The following PHACTR1 variants were observed in gnomAD, a reference collection of about 807,000 sequenced individuals.
PHACTR1 encodes the protein RPEL repeat containing 1.
Under a neutral mutation model 69.2 loss-of-function variants are expected in PHACTR1, and 16 were observed. The ratio of observed to expected loss-of-function variants is 0.23; its 90% CI spans 0.16 to 0.35. The LOEUF (loss-of-function observed/expected upper bound fraction) is 0.35. Among genes scored for constraint, PHACTR1 ranks in the 10% least tolerant of loss-of-function variants. The pLI is 1.00. For missense variants in PHACTR1, 510 were observed against 734.7 expected (o/e 0.69, Z 3.54); for synonymous variants, 312 against 284.5 (o/e 1.10, Z -0.97).
At chr6:13,024,218 C>T (rs1417171898) in intron 4 of PHACTR1, among the ~76,000 whole-genome samples, 1 of 152,170 alleles carries the variant, frequency 6.6e-6, no homozygotes. Flanking sequence ...TGTCCTCGCA[C>T]AACTTGAAGG....
At chr6:12,868,353 A>G (rs1781678797) in intron 4 of PHACTR1, among the ~76,000 whole-genome samples, 2 of 152,136 alleles carry the variant, frequency 1.3e-5, no homozygotes, top group South Asian at 4.1e-4. Flanking sequence ...AGGAATGATA[A>G]CCATCTTTTT....
chr6:12,887,585 T>C (rs1783762800), intron 4 of PHACTR1, among the ~76,000 whole-genome samples: 1 of 152,200 alleles, frequency 6.6e-6, no homozygotes, highest in Non-Finnish European at 1.5e-5. Flanking sequence ...ATTCGCTCTT[T>C]GTGGTTTTCT....
At chr6:12,735,427 G>A (rs990284201) in intron 3 of PHACTR1, among the ~76,000 whole-genome samples, 2 of 152,196 alleles carry the variant, frequency 1.3e-5, no homozygotes, top group Middle Eastern at 3.2e-3. Context: ...GGTTCATCAA[G>A]GGCCATTTTG....
At chr6:12,895,177 CTTTTT>C (rs139510433) in intron 4 of PHACTR1, among the ~76,000 whole-genome samples, 1 of 88,272 alleles carries the variant, frequency 1.1e-5, no homozygotes, top group Admixed American at 1.4e-4. Context: ...TTTCTTTTTT[CTTTTT>C]TTTTTTTTTT....
intron 4 of PHACTR1, among the ~76,000 whole-genome samples, chr6:12,880,337 C>A (rs1169422381): frequency 6.6e-6 from 1 of 152,004 alleles, no homozygotes; most frequent in Non-Finnish European, 1.5e-5. Flanking sequence ...AACGATCCTC[C>A]CACTTCTAGC....
Position 13,230,207 on chromosome 6 carries a change from A to G in PHACTR1, c.1391+14A>G. The stretch of plus-strand genomic sequence containing the variant: ...CAAGCTCACCAGGTAGGACAGCGGC[A>G]CCCTCTGCCTCCCTGGCAGTGGGCC... On this transcript the variant is annotated intron_variant, in intron 10 of 14. Coordinates refer to ENST00000332995, the MANE Select transcript of PHACTR1 (RefSeq NM_030948.6). The G allele has an allele frequency of 6.2e-7, 1 of 1,601,582 alleles. No homozygotes were observed. Among genetic ancestry groups the G allele is most frequent in the Non-Finnish European group, 8.5e-7 (1 of 1,174,468 alleles).
At chr6:12,811,417 T>C (rs1272426084) in intron 4 of PHACTR1, among the ~76,000 whole-genome samples, 1 of 152,202 alleles carries the variant, frequency 6.6e-6, no homozygotes, top group African/African-American at 2.4e-5. Flanking sequence ...TTTAGTTAAT[T>C]TGACTTGTTG....
chr6:13,227,408 A>T (rs749002740), intron 8 of PHACTR1, among the ~76,000 whole-genome samples: 94 of 152,012 alleles, frequency 6.2e-4, no homozygotes, highest in Non-Finnish European at 9.1e-4. Flanking sequence ...CTTGCTTTTA[A>T]TTTTTTTTAA....
chr6:12,883,976 A>T lies in PHACTR1; in HGVS notation c.250+134186A>T, dbSNP rs150863042. Among the ~76,000 whole-genome samples, 1,365 of 152,162 alleles carry T rather than the reference A, an allele frequency of 9.0e-3. 26 individuals carry two copies. Among genetic ancestry groups the T allele is most frequent in the African/African-American group, 0.031 (1,278 of 41,478 alleles). The stretch of plus-strand genomic sequence containing the variant: ...TACACACAGTCACACATGTACCCAC[A>T]TACACACACATACACAAATATACAC... On this transcript the variant is annotated intron_variant, in intron 4 of 14. Transcript: ENST00000332995.
chr6:13,240,635 T>A (rs58453491), intron 10 of PHACTR1, among the ~76,000 whole-genome samples: 2,431 of 152,030 alleles, frequency 0.016, 59 homozygotes, highest in African/African-American at 0.055. Flanking sequence ...TTAGTAGAAA[T>A]GGGGTTTTGA....
intron 12 of PHACTR1, chr6:13,280,320 G>C (rs910861246): frequency 1.3e-4 from 20 of 152,346 alleles, no homozygotes; most frequent in African/African-American, 4.1e-4. Flanking sequence ...GCCCTCCCCT[G>C]GGACTGGCTG....
rs1293279567 is a variant in PHACTR1 at position 13,131,190 on chromosome 6, CACATAT to C, written c.416-29012_416-29007del. The stretch of plus-strand genomic sequence containing the variant: ...ATATGTGTGTATATACACACACACA[CACATAT>C]ATATATACACATACACACACACACA... On this transcript the variant is annotated intron_variant, in intron 5 of 14. Coordinates refer to ENST00000332995, the MANE Select transcript of PHACTR1 (RefSeq NM_030948.6). 4.8e-3 allele frequency among the ~76,000 whole-genome samples: 290 copies of C among 60,848 alleles called. 5 individuals carry two copies. The highest frequency in any genetic ancestry group is 7.6e-3 in the Middle Eastern group (1 of 132). 39.9% of individuals were successfully genotyped at this position (60,848 alleles called of 152,430 possible).
chr6:13,109,320 G>A (rs1179560211), intron 5 of PHACTR1, among the ~76,000 whole-genome samples: 1 of 151,942 alleles, frequency 6.6e-6, no homozygotes, highest in Non-Finnish European at 1.5e-5. Context: ...GTCTTATAGT[G>A]CAGGCCTACT....
intron 5 of PHACTR1, among the ~76,000 whole-genome samples, chr6:13,066,818 A>C (rs909576246): frequency 1.3e-5 from 2 of 152,162 alleles, no homozygotes; most frequent in Non-Finnish European, 2.9e-5. Context: ...TCTCTCCAGC[A>C]GGGAGCTGAG....
intron 7 of PHACTR1, chr6:13,184,652 C>A: frequency 2.1e-6 from 1 of 481,912 alleles, no homozygotes; most frequent in Non-Finnish European, 3.7e-6. Context: ...GGCCTCCTCG[C>A]TGTAGCTCTC....
intron 7 of PHACTR1, among the ~76,000 whole-genome samples, chr6:13,198,081 T>G (rs9473660): frequency 0.011 from 1,707 of 152,320 alleles, 34 homozygotes; most frequent in African/African-American, 0.038. Context: ...GTTCCACCTT[T>G]TCCCGTTGCC....
chr6:13,121,212 G>A (rs1388271740), intron 5 of PHACTR1, among the ~76,000 whole-genome samples: 1 of 152,196 alleles, frequency 6.6e-6, no homozygotes, highest in Non-Finnish European at 1.5e-5. Context: ...GGAATCACTA[G>A]AATGTGGATG....
intron 4 of PHACTR1, among the ~76,000 whole-genome samples, chr6:12,835,454 C>G (rs1028264911): frequency 5.9e-5 from 9 of 152,134 alleles, no homozygotes; most frequent in African/African-American, 2.2e-4. Context: ...TGAGGAAATA[C>G]TTTTAAACAC....
chr6:12,960,914 A>G (rs1792635393), intron 4 of PHACTR1, among the ~76,000 whole-genome samples: 1 of 152,142 alleles, frequency 6.6e-6, no homozygotes, highest in Non-Finnish European at 1.5e-5. Context: ...TAACATGGGG[A>G]TTTAATGCCT....
Sources: allele counts gnomAD v4.1 joint callset (sites outside exome capture counted in the v4.1 genomes callset), GRCh38; gene constraint gnomAD v4.1.1; transcripts MANE v1.5; gene names NCBI Gene and HGNC (gene_info 2026-07-23, HGNC 2026-07-21).